RETSAT: variants seen among roughly 807,000 people sequenced by gnomAD.
RETSAT encodes retinol saturase.
In RETSAT, 35 loss-of-function variants were observed where a neutral mutation model predicts 61.6. The ratio of observed to expected loss-of-function variants is 0.57; its 90% CI spans 0.43 to 0.75. The LOEUF (loss-of-function observed/expected upper bound fraction) is 0.75, where lower values mean the gene tolerates loss of function less well. RETSAT is among the 30% of genes least tolerant of loss of function. The pLI, the probability that RETSAT is intolerant of heterozygous loss-of-function variation, is 0.00. For synonymous variants in RETSAT, 277 were observed against 310.4 expected, an observed-to-expected ratio of 0.89 and a Z score of 1.13; for missense variants, 670 against 759.5, an observed-to-expected ratio of 0.88 and a Z score of 1.38.
In RETSAT at chr2:85,343,265, G is replaced by T. The variant is rs71337786; in HGVS notation, c.1810C>A (p.Arg604=). The part of the protein sequence containing the change: ...SDLKNLDSRI[R]AQKKKN ...AACTAATTCTTTTTCTTCTGTGCCC[G>T]GATCCTAGAATCAAGATTCTTAAGG... The change falls in exon 11 of 11, where the codon CGG becomes AGG. Residue 604 remains arginine (R), a synonymous_variant. Coordinates refer to ENST00000295802, the MANE Select transcript of RETSAT (RefSeq NM_017750.4). 4,665 of 1,611,840 alleles carry T rather than the reference G, an allele frequency of 2.9e-3. No homozygotes were observed. The East Asian group carries it at 0.059, about 20-fold the overall frequency.
In RETSAT at chr2:85,354,484, G is replaced by A. The variant is rs1558686180; in HGVS notation, c.24C>T (p.Leu8=). Residue 8 remains leucine, a synonymous_variant, in exon 1 of 11, where the codon CTC becomes CTT. Coordinates refer to ENST00000295802, the MANE Select transcript of RETSAT (RefSeq NM_017750.4). ...GGACGGCCAGCAGCAGCACAGCCAG[G>A]AGCAGCACCAGCGGAAGCCACATCA... MWLPLVL[L]LAVLLLAVLC... 6.2e-7 allele frequency: 1 copy of A among 1,612,526 alleles called. No homozygotes were observed.
rs768718814 is a variant in RETSAT at position 85,349,503 on chromosome 2, C to T, written c.878G>A (p.Arg293Gln). Reference protein sequence around the residue: ...NHYMKGGFYPRGGSSEIAFHT... With the variant: ...NHYMKGGFYPQGGSSEIAFHT... ...GAAGGCAATTTCACTGGAACCCCCT[C>T]GGGGATAAAAGCCTCCTTTCATGTA... is the stretch of plus-strand genomic sequence containing the variant. The change falls in exon 5 of 11, where the codon CGA becomes CAA. Residue 293 changes from arginine (R) to glutamine (Q), a missense_variant. Transcript: ENST00000295802. 9.3e-6 allele frequency: 15 copies of T among 1,614,062 alleles called. No homozygotes were observed. Among genetic ancestry groups the T allele is most frequent in the East Asian group, 2.2e-5 (1 of 44,894 alleles).
In RETSAT at chr2:85,345,961, G is replaced by C. The variant is rs766222501; in HGVS notation, c.1117+14C>G. ...GGGAACCTGCAAGAGGGGCAGTGCA[G>C]ACCCGCCTTTTACCTGGCAGGCAGC... On this transcript the variant is annotated intron_variant, in intron 6 of 10. Coordinates refer to ENST00000295802, the MANE Select transcript of RETSAT (RefSeq NM_017750.4). The C allele has an allele frequency of 4.3e-6, 7 of 1,614,190 alleles. No homozygotes were observed. The South Asian group carries it at 7.7e-5, about 18-fold the overall frequency.
intron 3 of RETSAT, 44 bp from the exon 4 acceptor site, chr2:85,350,285 C>G: frequency 6.8e-7 from 1 of 1,467,772 alleles, no homozygotes; most frequent in Non-Finnish European, 9.5e-7. Context: ...TCTAGAACCG[C>G]TTTGACAGAA....
At position 85,348,918 on chromosome 2, in the gene RETSAT, T is replaced by C. The variant is rs1197922113; in HGVS notation, c.997+466A>G. 2.0e-5 allele frequency among the ~76,000 whole-genome samples: 3 copies of C among 151,536 alleles called. No homozygotes were observed. In the East Asian group the frequency reaches 5.9e-4, roughly 30 times the overall value. ...GGTGCGTGCCACCATGCCCAGCTAATTTTTGTATTTTTAGTAGAGACGGGG... is the reference window on the plus strand; with the variant it reads ...GGTGCGTGCCACCATGCCCAGCTAACTTTTGTATTTTTAGTAGAGACGGGG... On this transcript the variant is annotated intron_variant, in intron 5 of 10. Transcript: ENST00000295802.
intron 1 of RETSAT, among the ~76,000 whole-genome samples, chr2:85,353,746 T>C (rs1683363178): frequency 6.6e-6 from 1 of 152,220 alleles, no homozygotes; most frequent in Non-Finnish European, 1.5e-5. Flanking sequence ...CATTATTTTT[T>C]AAAGCAGCAG....
chr2:85,348,790 G>A (rs146588147), intron 5 of RETSAT, among the ~76,000 whole-genome samples: 5,034 of 149,542 alleles, frequency 0.034, 223 homozygotes, highest in African/African-American at 0.1. Flanking sequence ...TCGCTCTGTC[G>A]CCCAGGCCGG....
chr2:85,351,469 G>A, intron 2 of RETSAT: 1 of 532,282 alleles, frequency 1.9e-6, no homozygotes, highest in East Asian at 3.2e-5. Context: ...AACTCAGGAG[G>A]CAGAGGTTAC....
rs1450658205 is a variant in RETSAT at position 85,344,245 on chromosome 2, A to G, written c.1360T>C (p.Phe454Leu). The change falls in exon 8 of 11, where the codon TTC becomes CTC. Residue 454 changes from phenylalanine to leucine, a missense_variant. Transcript: ENST00000295802. ...SAKDPTWEDRFPGRSTMIMLI... is the reference protein window; with the variant it reads ...SAKDPTWEDRLPGRSTMIMLI... Reference sequence around the variant, plus strand: ...CCGGGACGTGCAGCCCCACCTGGGAATCGGTCCTCCCAGGTCGGATCTTTG... The same window carrying G: ...CCGGGACGTGCAGCCCCACCTGGGAGTCGGTCCTCCCAGGTCGGATCTTTG... 7 of 1,613,948 alleles carry G rather than the reference A, an allele frequency of 4.3e-6. No homozygotes were observed. The highest frequency in any genetic ancestry group is 5.9e-6 in the Non-Finnish European group (7 of 1,179,982).
Position 85,342,016 on chromosome 2 carries a change from G to A in RETSAT, c.*1226C>T. 1 of 493,266 alleles carries A rather than the reference G, an allele frequency of 2.0e-6. No homozygotes were observed. Among genetic ancestry groups the A allele is most frequent in the Non-Finnish European group, 3.6e-6 (1 of 280,948 alleles). 30.6% of individuals were successfully genotyped at this position (493,266 alleles called of 1,614,324 possible). ...TTATTTTGGTGTTATTCAGTATATA[G>A]TGTTTTACTGAGCTTCTGCAAATGC... is the stretch of plus-strand genomic sequence containing the variant. On this transcript the variant is annotated 3_prime_UTR_variant, in exon 11 of 11. Coordinates refer to ENST00000295802, the MANE Select transcript of RETSAT (RefSeq NM_017750.4).
intron 4 of RETSAT, 196 bp from the exon 5 acceptor site, chr2:85,349,777 AC>A (rs1370969361): frequency 7.9e-5 from 50 of 633,350 alleles, no homozygotes; most frequent in Non-Finnish European, 1.3e-4. Context: ...CAGTAGGAAT[AC>A]CCCCCCTGCA....
At chr2:85,353,184 G>T (rs1028775830) in intron 1 of RETSAT, among the ~76,000 whole-genome samples, 5 of 152,246 alleles carry the variant, frequency 3.3e-5, no homozygotes, top group African/African-American at 1.2e-4. Context: ...GGCCAGGCGT[G>T]ATGGCTCACG....
rs1328423022 is a variant in RETSAT, at chr2:85,354,445, G to A, written c.63C>T (p.Tyr21=). ...VLLLAVLCKV[Y]LGLFSGSSPN... ...GGGAGCTGCCAGAGAATAGTCCCAA[G>A]TAAACTTTGCAGAGGACGGCCAGCA... is the stretch of plus-strand genomic sequence containing the variant. The change falls in exon 1 of 11, where the codon TAC becomes TAT. Residue 21 remains tyrosine (Y), a synonymous_variant. Coordinates refer to ENST00000295802, the MANE Select transcript of RETSAT (RefSeq NM_017750.4). 1.2e-6 allele frequency: 2 copies of A among 1,614,186 alleles called. No individual in the cohort carries two copies.
intron 2 of RETSAT, chr2:85,351,250 G>A: frequency 1.8e-6 from 1 of 559,632 alleles, no homozygotes; most frequent in Non-Finnish European, 3.2e-6. Context: ...CAGAGGCTGG[G>A]CACGGTGGCT....
chr2:85,345,377 C>G (rs543203338), intron 6 of RETSAT: 1 of 191,042 alleles, frequency 5.2e-6, no homozygotes, highest in South Asian at 9.9e-5. Flanking sequence ...GGCCCACCCT[C>G]TGGGGTCAGG....
intron 6 of RETSAT, 46 bp from the exon 7 acceptor site, chr2:85,344,778 C>A: frequency 1.3e-6 from 2 of 1,598,554 alleles, no homozygotes; most frequent in Non-Finnish European, 8.5e-7. Context: ...TGGCCGGAGA[C>A]GGCCACTCCT....
chr2:85,350,966 G>A lies in RETSAT; in HGVS notation c.411C>T (p.Asp137=). ...EEGSIGRFIL[D]QITEGQLDWA... ...AGTCCAGCTGCCCTTCAGTGATCTG[G>A]TCCAAGATAAAACGGCCAATGCTGC... Residue 137 remains aspartate (D), a synonymous_variant, in exon 3 of 11, where the codon GAC becomes GAT. Transcript: ENST00000295802. 2.5e-6 allele frequency: 4 copies of A among 1,614,144 alleles called. No homozygotes were observed. Among genetic ancestry groups the A allele is most frequent in the Non-Finnish European group, 3.4e-6 (4 of 1,180,034 alleles).
At chr2:85,347,409 A>C (rs1274915395) in intron 5 of RETSAT, among the ~76,000 whole-genome samples, 2 of 152,118 alleles carry the variant, frequency 1.3e-5, no homozygotes, top group African/African-American at 4.8e-5. Flanking sequence ...TGGTATTTTT[A>C]GTAAAGACAG....
intron 3 of RETSAT, 57 bp downstream of exon 3, chr2:85,350,723 T>C: frequency 6.2e-7 from 1 of 1,606,222 alleles, no homozygotes; most frequent in Non-Finnish European, 8.5e-7. Flanking sequence ...CCACTAATAA[T>C]AAAGAAACCC....
Sources: allele counts gnomAD v4.1 joint callset (sites outside exome capture counted in the v4.1 genomes callset), GRCh38; gene constraint gnomAD v4.1.1; transcripts MANE v1.5; gene names NCBI Gene and HGNC (gene_info 2026-07-23, HGNC 2026-07-21).